The following LONRF1 variants were observed in gnomAD, a reference collection of about 807,000 sequenced individuals.
The protein encoded by LONRF1 is LON peptidase N-terminal domain and RING finger protein 1.
In LONRF1, 37 loss-of-function variants were observed where a neutral mutation model predicts 85.8. That is an observed-to-expected ratio of 0.43 (90% CI 0.33 to 0.57). LONRF1 has a LOEUF of 0.57. LONRF1 is among the 20% of genes least tolerant of loss of function. The pLI, the probability that LONRF1 is intolerant of heterozygous loss-of-function variation, is 0.04. For missense variants in LONRF1, 1,036 were observed against 978.0 expected (o/e 1.06, Z -0.79); for synonymous variants, 517 against 390.1 (o/e 1.33, Z -3.83).
intron 1 of LONRF1, among the ~76,000 whole-genome samples, chr8:12,750,089 T>C (rs1799318163): frequency 6.6e-6 from 1 of 152,246 alleles, no homozygotes; most frequent in Admixed American, 6.5e-5. Flanking sequence ...CAGTTTTAAC[T>C]TGGTCACTTA....
rs1311133619 is a variant in LONRF1, at chr8:12,722,798, A to ACACT, written c.*294_*297dup. The ACACT allele has an allele frequency of 1.3e-5, 3 of 227,332 alleles. No individual in the cohort carries two copies. Among genetic ancestry groups the ACACT allele is most frequent in the African/African-American group, 6.8e-5 (3 of 44,168 alleles). The allele number at this position is 227,332 out of a possible 1,614,324, so 14.1% of individuals were successfully genotyped here. A position where few individuals can be genotyped will look rare whatever the true frequency, so the allele number is the denominator to read the frequency against. On this transcript the variant is annotated 3_prime_UTR_variant, in exon 12 of 12. Transcript: ENST00000398246. ...CACACACGCACGCACACACACACAC[A>ACACT]CACTCTCTCACAGACATAAAGAGTT... is the stretch of plus-strand genomic sequence containing the variant.
intron 2 of LONRF1, among the ~76,000 whole-genome samples, 164 bp from the exon 3 acceptor site, chr8:12,741,160 G>T (rs1798919962): frequency 6.6e-6 from 1 of 152,154 alleles, no homozygotes; most frequent in African/African-American, 2.4e-5. Context: ...GACAAAGGTG[G>T]ATCACTTGAG....
rs191572847 is a variant in LONRF1, at chr8:12,729,592, G to A, written c.1689-260C>T. ...GAGTAAACTGAATTTTAAGACACCA[G>A]ATTATCTTACAGAGCTAAGTATGTT... On this transcript the variant is annotated intron_variant, in intron 8 of 11. Coordinates refer to ENST00000398246, the MANE Select transcript of LONRF1 (RefSeq NM_152271.5). Among the ~76,000 whole-genome samples, 48 of 152,174 alleles carry A rather than the reference G, an allele frequency of 3.2e-4. No homozygotes were observed. In the East Asian group the frequency reaches 8.1e-3, roughly 26 times the overall value.
At chr8:12,728,804 G>A in intron 10 of LONRF1, 97 bp downstream of exon 10, 1 of 1,367,216 alleles carries the variant, frequency 7.3e-7, no homozygotes, top group Admixed American at 1.9e-5. Flanking sequence ...TGTCTGATAA[G>A]AACTGGTTCA....
In LONRF1 at chr8:12,754,946, G is replaced by T; in HGVS notation, c.475C>A (p.Arg159=). The change falls in exon 1 of 12, where the codon CGG becomes AGG. Residue 159 remains arginine (R), a synonymous_variant. Coordinates refer to ENST00000398246, the MANE Select transcript of LONRF1 (RefSeq NM_152271.5). ...GCGGTGGCGGGCGGCAGCCGGTCCC[G>T]GCAGAGGCGGCAGCGGGCGCGGAGT... The part of the protein sequence containing the change: ...RELRARCRLC[R]DRLPPATASA... 1 of 1,490,448 alleles carries T rather than the reference G, an allele frequency of 6.7e-7. No homozygotes were observed. The allele number at this position is 1,490,448 out of a possible 1,614,324, so 92.3% of individuals were successfully genotyped here.
In LONRF1 at chr8:12,745,548, A is replaced by G. The variant is rs75425871; in HGVS notation, c.722-2266T>C. Reference sequence around the variant, plus strand: ...ACTGTATCATTAACTTAAGTTTGAAAGAGTCAACAAGTATTTACTGTATGC... The same window carrying G: ...ACTGTATCATTAACTTAAGTTTGAAGGAGTCAACAAGTATTTACTGTATGC... On this transcript the variant is annotated intron_variant, in intron 1 of 11. Transcript: ENST00000398246. 1.1e-3 allele frequency among the ~76,000 whole-genome samples: 160 copies of G among 152,314 alleles called. 4 individuals carry two copies. In the East Asian group the frequency reaches 0.028, roughly 27 times the overall value.
rs1475514472 is a variant in LONRF1, at chr8:12,722,298, AAACT to A, written c.*794_*797del. The A allele has an allele frequency of 6.6e-6, 1 of 152,648 alleles. No individual in the cohort carries two copies. Among genetic ancestry groups the A allele is most frequent in the Non-Finnish European group, 1.5e-5 (1 of 68,036 alleles). The allele number at this position is 152,648 out of a possible 1,614,324, so 9.5% of individuals were successfully genotyped here. A position where few individuals can be genotyped will look rare whatever the true frequency, so the allele number is the denominator to read the frequency against. On this transcript the variant is annotated 3_prime_UTR_variant, in exon 12 of 12. Coordinates refer to ENST00000398246, the MANE Select transcript of LONRF1 (RefSeq NM_152271.5). ...ATGTGAAAAGCCCCCTAAAATGTAC[AAACT>A]AACTGGTACTGAATTGAGTTCTCCC...
rs1280725929 is a variant in LONRF1, at chr8:12,722,962, TTCAGGAGG to T, written c.*126_*133del. On this transcript the variant is annotated 3_prime_UTR_variant, in exon 12 of 12. Coordinates refer to ENST00000398246, the MANE Select transcript of LONRF1 (RefSeq NM_152271.5). Reference sequence around the variant, plus strand: ...GGTATTCATTTGCAGAACCACATGATTCAGGAGGTCGAAGGAAAAAGAAAAGTTTCATT... The same window carrying T: ...GGTATTCATTTGCAGAACCACATGATTCGAAGGAAAAAGAAAAGTTTCATT... 1 of 800,774 alleles carries T rather than the reference TTCAGGAGG, an allele frequency of 1.2e-6. No homozygotes were observed. Among genetic ancestry groups the T allele is most frequent in the Non-Finnish European group, 2.0e-6 (1 of 511,882 alleles). 49.6% of individuals were successfully genotyped at this position (800,774 alleles called of 1,614,324 possible).
chr8:12,741,029 G>A, intron 2 of LONRF1, 33 bp from the exon 3 acceptor site: 1 of 1,602,244 alleles, frequency 6.2e-7, no homozygotes. Context: ...AAACCTTTGT[G>A]TTAAGAATTG....
intron 2 of LONRF1, among the ~76,000 whole-genome samples, chr8:12,742,278 C>T (rs1798965526): frequency 6.6e-6 from 1 of 152,174 alleles, no homozygotes; most frequent in South Asian, 2.1e-4. Flanking sequence ...CTCAAAGACA[C>T]AGTTTTGAAT....
chr8:12,727,576 C>T (rs1209450385), intron 10 of LONRF1, among the ~76,000 whole-genome samples: 1 of 152,090 alleles, frequency 6.6e-6, no homozygotes, highest in Non-Finnish European at 1.5e-5. Context: ...CTATTGCCTA[C>T]ATGTTTGTAA....
intron 1 of LONRF1, among the ~76,000 whole-genome samples, chr8:12,743,971 C>T (rs957330229): frequency 6.6e-6 from 1 of 152,170 alleles, no homozygotes; most frequent in African/African-American, 2.4e-5. Flanking sequence ...TATCCTATGG[C>T]ATTCAGAATT....
At chr8:12,752,280 G>C (rs557903947) in intron 1 of LONRF1, among the ~76,000 whole-genome samples, 32 of 152,174 alleles carry the variant, frequency 2.1e-4, no homozygotes, top group Non-Finnish European at 4.3e-4. Flanking sequence ...CCTAAGGATT[G>C]TACAAACAGC....
Position 12,740,749 on chromosome 8 carries a change from C to T in LONRF1, c.963+125G>A, listed in dbSNP as rs939811953. The T allele has an allele frequency of 2.5e-5, 30 of 1,213,452 alleles. No individual in the cohort carries two copies. The Admixed American group carries it at 7.1e-4, about 29-fold the overall frequency. 75.2% of individuals were successfully genotyped at this position (1,213,452 alleles called of 1,614,324 possible). A position where few individuals can be genotyped will look rare whatever the true frequency, so the allele number is the denominator to read the frequency against. ...AACCTGAAAACCACTCAAATTATCA[C>T]ATTTGTTCCTAAGTTAGATTTATTT... On this transcript the variant is annotated intron_variant, in intron 3 of 11. Coordinates refer to ENST00000398246, the MANE Select transcript of LONRF1 (RefSeq NM_152271.5).
intron 1 of LONRF1, among the ~76,000 whole-genome samples, chr8:12,747,482 T>G (rs892065131): frequency 1.3e-5 from 2 of 152,186 alleles, no homozygotes; most frequent in Non-Finnish European, 2.9e-5. Flanking sequence ...AAATAGCCAG[T>G]GTTGGTGTTA....
At chr8:12,740,726 C>A (rs1692065570) in intron 3 of LONRF1, 148 bp downstream of exon 3, 1 of 997,528 alleles carries the variant, frequency 1.0e-6, no homozygotes, top group Non-Finnish European at 1.4e-6. Flanking sequence ...CGTACATGAA[C>A]CTGAAAACCA....
chr8:12,737,482 A>C, intron 4 of LONRF1: 1 of 390,916 alleles, frequency 2.6e-6, no homozygotes, highest in Non-Finnish European at 4.9e-6. Flanking sequence ...ATTAGGTATT[A>C]TAAGTAACCT....
At chr8:12,737,193 C>G in intron 4 of LONRF1, 53 bp from the exon 5 acceptor site, 1 of 1,582,872 alleles carries the variant, frequency 6.3e-7, no homozygotes, top group Non-Finnish European at 8.6e-7. Flanking sequence ...ATCCTTTATT[C>G]CTCTCACCAA....
At chr8:12,728,091 G>A (rs1242234344) in intron 10 of LONRF1, among the ~76,000 whole-genome samples, 2 of 152,164 alleles carry the variant, frequency 1.3e-5, no homozygotes, top group East Asian at 1.9e-4. Context: ...AAATGCTGAC[G>A]AAATGAAGGG....
Sources: gnomAD v4.1 joint callset for allele counts (sites outside exome capture counted in the v4.1 genomes callset) on GRCh38, gnomAD v4.1.1 for gene constraint, MANE v1.5 for transcripts, NCBI Gene and HGNC (gene_info 2026-07-23, HGNC 2026-07-21) for gene names.